NDEL1: variants seen among roughly 807,000 people sequenced by gnomAD.
NDEL1 encodes nudE neurodevelopment protein 1 like 1, also known as nuclear distribution protein nudE-like 1.
NDEL1 carries 9 observed loss-of-function variants against 45.7 expected under a neutral mutation model. The observed-to-expected ratio is 0.20, with a 90% CI of 0.12 to 0.34. The LOEUF is 0.34. NDEL1 is among the 10% of genes least tolerant of loss of function. NDEL1 has a pLI of 1.00. For missense variants in NDEL1, 306 were observed against 406.2 expected, an observed-to-expected ratio of 0.75 and a Z score of 2.12; for synonymous variants, 133 against 158.6, an observed-to-expected ratio of 0.84 and a Z score of 1.21.
chr17:8,426,158 G>A (rs1311181267), intron 1 of NDEL1, among the ~76,000 whole-genome samples: 2 of 152,150 alleles, frequency 1.3e-5, no homozygotes, highest in Admixed American at 6.5e-5. Flanking sequence ...AAATCTCCAG[G>A]AAGGAAAGAA....
chr17:8,442,998 C>T (rs2151713448), intron 1 of NDEL1, among the ~76,000 whole-genome samples: 1 of 151,792 alleles, frequency 6.6e-6, no homozygotes, highest in African/African-American at 2.4e-5. Flanking sequence ...CCAGGATGGT[C>T]TCAATCTCCT....
intron 1 of NDEL1, among the ~76,000 whole-genome samples, chr17:8,423,387 A>C (rs929724795): frequency 3.3e-5 from 5 of 152,116 alleles, no homozygotes; most frequent in Non-Finnish European, 7.3e-5. Context: ...TATATGTTCA[A>C]AAGAGGGAAG....
chr17:8,437,903 T>A (rs1284538716), intron 1 of NDEL1, among the ~76,000 whole-genome samples: 3 of 149,582 alleles, frequency 2.0e-5, no homozygotes, highest in Non-Finnish European at 4.4e-5. Flanking sequence ...CTTTTGAGAC[T>A]GTGTCCGTAT....
intron 1 of NDEL1, among the ~76,000 whole-genome samples, chr17:8,430,217 A>C (rs1045826515): frequency 6.6e-6 from 1 of 152,202 alleles, no homozygotes; most frequent in Non-Finnish European, 1.5e-5. Flanking sequence ...TCTGGTGGAC[A>C]TATCTGCCAG....
At chr17:8,472,448 C>T (rs1045945428), downstream of NDEL1, among the ~76,000 whole-genome samples, 8 of 152,100 alleles carry the variant, frequency 5.3e-5, no homozygotes, top group East Asian at 3.9e-4. Context: ...CACGTGAGGC[C>T]GGGAGTTCAA....
chr17:8,446,065 TGTAG>T lies in NDEL1; in HGVS notation c.240+202_240+205del, dbSNP rs1444937349. ...AGTTTAGGAGTTCACTTAGAAACTT[TGTAG>T]TTGTCACTTTTCTAGCTATAATGTT... On this transcript the variant is annotated intron_variant, in intron 3 of 8. Coordinates refer to ENST00000334527, the MANE Select transcript of NDEL1 (RefSeq NM_030808.5). The T allele has an allele frequency of 9.0e-5, 36 of 401,610 alleles. No homozygotes were observed. The Middle Eastern group carries it at 3.2e-3, about 36-fold the overall frequency. 24.9% of individuals were successfully genotyped at this position (401,610 alleles called of 1,614,324 possible).
intron 8 of NDEL1, chr17:8,462,700 C>T (rs1911289150): frequency 2.0e-5 from 3 of 152,268 alleles, no homozygotes; most frequent in Non-Finnish European, 2.9e-5. Flanking sequence ...CCTGCCTGCC[C>T]TCCCTCTCAC....
intron 1 of NDEL1, among the ~76,000 whole-genome samples, chr17:8,414,993 C>T (rs1333211126): frequency 6.6e-6 from 1 of 152,158 alleles, no homozygotes; most frequent in African/African-American, 2.4e-5. Context: ...TCCTACTGCT[C>T]CCTCTTGGAT....
At chr17:8,456,717 T>C (rs1319056679) in intron 7 of NDEL1, among the ~76,000 whole-genome samples, 2 of 152,212 alleles carry the variant, frequency 1.3e-5, no homozygotes, top group African/African-American at 2.4e-5. Context: ...CATGCTGGTC[T>C]TGAACGCCTG....
intron 1 of NDEL1, among the ~76,000 whole-genome samples, chr17:8,430,651 C>T (rs775557674): frequency 1.3e-5 from 2 of 152,170 alleles, no homozygotes; most frequent in Non-Finnish European, 2.9e-5. Context: ...TTGGCTCAAT[C>T]CAAGAAAGAC....
At chr17:8,439,043 G>A (rs991111407) in intron 1 of NDEL1, among the ~76,000 whole-genome samples, 5 of 150,220 alleles carry the variant, frequency 3.3e-5, no homozygotes, top group African/African-American at 1.2e-4. Context: ...CCGGGTTCAC[G>A]CCATTCTCCT....
At chr17:8,440,413 C>T (rs1341173941) in intron 1 of NDEL1, among the ~76,000 whole-genome samples, 1 of 151,674 alleles carries the variant, frequency 6.6e-6, no homozygotes, top group Non-Finnish European at 1.5e-5. Context: ...ACTTAGGAGG[C>T]CGAGGCAAGA....
chr17:8,424,819 A>C (rs1490494912), intron 1 of NDEL1, among the ~76,000 whole-genome samples: 1 of 152,122 alleles, frequency 6.6e-6, no homozygotes, highest in East Asian at 1.9e-4. Flanking sequence ...TGTTTTTTTA[A>C]TATAAAGTTT....
intron 1 of NDEL1, among the ~76,000 whole-genome samples, chr17:8,423,405 C>T (rs1045399199): frequency 1.6e-4 from 25 of 152,006 alleles, no homozygotes; most frequent in African/African-American, 5.5e-4. Flanking sequence ...AAGTGTAGTC[C>T]GGGTGTGGTG....
At position 8,465,062 on chromosome 17, in the gene NDEL1, T is replaced by G. The variant is rs563963296; in HGVS notation, c.945-1868T>G. The G allele has an allele frequency of 6.6e-6, 1 of 152,396 alleles. No homozygotes were observed. Among genetic ancestry groups the G allele is most frequent in the South Asian group, 2.1e-4 (1 of 4,828 alleles). 9.4% of individuals were successfully genotyped at this position (152,396 alleles called of 1,614,324 possible). ...CTGTCTGCAGTACAGGTTTAGGGGC[T>G]TGCCTGCCACTGTGATGTGTGAGGC... On this transcript the variant is annotated intron_variant, in intron 8 of 8. Transcript: ENST00000334527. This position sits in a 1 kb window ranked among gnomAD's most constrained non-coding sequence, Gnocchi z 4.9.
At chr17:8,442,415 A>ATATT (rs60431310) in intron 1 of NDEL1, among the ~76,000 whole-genome samples, 62,382 of 151,434 alleles carry the variant, frequency 0.41, 12,773 homozygotes, top group South Asian at 0.45. Context: ...ATCAGTTCAC[A>ATATT]TATTTATTTA....
At chr17:8,455,101 C>A (rs771988616) in intron 7 of NDEL1, among the ~76,000 whole-genome samples, 1 of 152,180 alleles carries the variant, frequency 6.6e-6, no homozygotes, top group South Asian at 2.1e-4. Flanking sequence ...AGGTTCCCAC[C>A]GGGGCATTCT....
chr17:8,454,764 A>T, intron 6 of NDEL1, 32 bp from the exon 7 acceptor site: 4 of 1,546,982 alleles, frequency 2.6e-6, no homozygotes, highest in Non-Finnish European at 2.7e-6. Flanking sequence ...GGGAACTGCA[A>T]GTGTAATCAC....
At chr17:8,452,274 T>C (rs1910552683) in intron 6 of NDEL1, among the ~76,000 whole-genome samples, 1 of 152,200 alleles carries the variant, frequency 6.6e-6, no homozygotes, top group Admixed American at 6.5e-5. Context: ...GATCTGAAAA[T>C]CCTTTAATTG....
Sources: allele counts gnomAD v4.1 joint callset (sites outside exome capture counted in the v4.1 genomes callset), GRCh38; gene constraint gnomAD v4.1.1; non-coding constraint Gnocchi (gnomAD v3.1); transcripts MANE v1.5; gene names NCBI Gene and HGNC (gene_info 2026-07-23, HGNC 2026-07-21).